Variants in NEGR1 observed in about 807,000 individuals in gnomAD.
NEGR1 encodes the protein IgLON family member 4.
NEGR1 carries 10 observed loss-of-function variants against 40.9 expected under a neutral mutation model. That is an observed-to-expected ratio of 0.24 (90% confidence interval 0.15 to 0.42). NEGR1 has a LOEUF of 0.42. Ranked by LOEUF, NEGR1 falls within the 10% of genes least tolerant of loss-of-function variation. NEGR1 has a pLI of 1.00. For synonymous variants in NEGR1, 185 were observed against 166.8 expected, an observed-to-expected ratio of 1.11 and a Z score of -0.84; for missense variants, 352 against 438.9, an observed-to-expected ratio of 0.80 and a Z score of 1.77.
At chr1:71,910,671 G>A (rs919412295) in intron 2 of NEGR1, among the ~76,000 whole-genome samples, 1 of 152,056 alleles carries the variant, frequency 6.6e-6, no homozygotes, top group Non-Finnish European at 1.5e-5. Context: ...GGCCATGTAT[G>A]AGACTCTTCT....
intron 4 of NEGR1, among the ~76,000 whole-genome samples, chr1:71,666,493 G>T (rs913405544): frequency 1.5e-4 from 17 of 112,168 alleles, no homozygotes; most frequent in Non-Finnish European, 3.2e-4. Context: ...TGTTACTGCA[G>T]ATCTTTATTT....
At chr1:72,038,634 T>A (rs969455959) in intron 1 of NEGR1, among the ~76,000 whole-genome samples, 84 of 152,036 alleles carry the variant, frequency 5.5e-4, no homozygotes, top group African/African-American at 2.0e-3. Flanking sequence ...AAGCTTATAA[T>A]CTTTTAAAAT....
intron 1 of NEGR1, among the ~76,000 whole-genome samples, chr1:72,104,181 C>T (rs998655398): frequency 1.3e-5 from 2 of 151,992 alleles, no homozygotes; most frequent in Admixed American, 6.6e-5. Context: ...CCAAAGATGT[C>T]TATGTCCTAA....
chr1:71,701,091 A>G lies in NEGR1; in HGVS notation c.536-2952T>C, dbSNP rs144989057. 3.3e-5 allele frequency among the ~76,000 whole-genome samples: 5 copies of G among 152,116 alleles called. No individual in the cohort carries two copies. The East Asian group carries it at 9.7e-4, about 29-fold the overall frequency. On this transcript the variant is annotated intron_variant, in intron 3 of 6. Transcript: ENST00000357731. ...CTATCAACACCTTGCTTTGAGTCTG[A>G]TGAGACCAGTGCTGAGCTTCTGACA...
At chr1:71,471,205 C>A (rs966219200) in intron 6 of NEGR1, among the ~76,000 whole-genome samples, 2 of 152,082 alleles carry the variant, frequency 1.3e-5, no homozygotes, top group African/African-American at 4.8e-5. Flanking sequence ...TTGTTCATTA[C>A]AGGAACACAT....
intron 2 of NEGR1, among the ~76,000 whole-genome samples, chr1:71,894,461 T>C (rs1660907167): frequency 6.6e-6 from 1 of 152,156 alleles, no homozygotes; most frequent in Admixed American, 6.5e-5. Context: ...AAAAGCACTA[T>C]AACAAACACT....
At chr1:71,429,361 T>A (rs897052306) in intron 6 of NEGR1, among the ~76,000 whole-genome samples, 3 of 152,220 alleles carry the variant, frequency 2.0e-5, no homozygotes, top group Non-Finnish European at 4.4e-5. Context: ...GTCCGAAAGG[T>A]TAAGTGAAGT....
chr1:71,658,149 C>A (rs964005634), intron 4 of NEGR1, among the ~76,000 whole-genome samples: 1 of 152,184 alleles, frequency 6.6e-6, no homozygotes, highest in Non-Finnish European at 1.5e-5. Context: ...TTTTTACAAT[C>A]TCTTACACTA....
intron 6 of NEGR1, among the ~76,000 whole-genome samples, chr1:71,487,728 T>G (rs978836082): frequency 6.9e-6 from 1 of 144,226 alleles, no homozygotes; most frequent in African/African-American, 2.4e-5. Flanking sequence ...ATACAAACCC[T>G]AGCATTCATT....
chr1:72,130,556 G>T (rs1254088171), intron 1 of NEGR1, among the ~76,000 whole-genome samples: 2 of 152,046 alleles, frequency 1.3e-5, no homozygotes, highest in East Asian at 3.9e-4. Context: ...ATCAAAACTG[G>T]CCCATCTCCA....
intron 1 of NEGR1, among the ~76,000 whole-genome samples, chr1:72,065,455 T>C (rs1647249621): frequency 6.6e-6 from 1 of 152,100 alleles, no homozygotes; most frequent in African/African-American, 2.4e-5. Flanking sequence ...GCTAACTGTC[T>C]GCCCAAATTT....
chr1:71,936,975 CAT>C (rs1341685217), intron 1 of NEGR1, among the ~76,000 whole-genome samples: 1 of 152,200 alleles, frequency 6.6e-6, no homozygotes, highest in Non-Finnish European at 1.5e-5. Context: ...CGAAAACACA[CAT>C]ACATAAAAAT....
chr1:71,623,235 T>C (rs1201726219), intron 4 of NEGR1, among the ~76,000 whole-genome samples: 1 of 151,850 alleles, frequency 6.6e-6, no homozygotes, highest in Non-Finnish European at 1.5e-5. Flanking sequence ...CGTGACAGTG[T>C]CAGAAGTCTA....
At chr1:71,914,028 C>T (rs568773844) in intron 2 of NEGR1, among the ~76,000 whole-genome samples, 2 of 152,226 alleles carry the variant, frequency 1.3e-5, no homozygotes, top group East Asian at 3.9e-4. Context: ...AAAACAAAGA[C>T]ATTCTAATTT....
intron 6 of NEGR1, among the ~76,000 whole-genome samples, chr1:71,590,291 C>T (rs1407909995): frequency 6.6e-6 from 1 of 152,024 alleles, no homozygotes; most frequent in Non-Finnish European, 1.5e-5. Flanking sequence ...TTGAGTTGTA[C>T]CTTAGATATA....
chr1:71,542,593 C>A (rs1647747605), intron 6 of NEGR1, among the ~76,000 whole-genome samples: 2 of 151,674 alleles, frequency 1.3e-5, no homozygotes, highest in Non-Finnish European at 3.0e-5. Flanking sequence ...AATCATACAG[C>A]CAGTATACTG....
chr1:71,837,716 C>T (rs557392102), intron 2 of NEGR1, among the ~76,000 whole-genome samples: 1 of 152,042 alleles, frequency 6.6e-6, no homozygotes. Flanking sequence ...AGCAATCCCA[C>T]CTCCCAAACC....
intron 4 of NEGR1, among the ~76,000 whole-genome samples, chr1:71,635,092 C>T (rs1218373377): frequency 6.6e-6 from 1 of 151,992 alleles, no homozygotes; most frequent in African/African-American, 2.4e-5. Context: ...TGGATGAAAT[C>T]TGAGTGGCCA....
chr1:71,488,221 T>G (rs1242298255), intron 6 of NEGR1: 3 of 151,792 alleles, frequency 2.0e-5, no homozygotes, highest in Admixed American at 6.6e-5. Flanking sequence ...GCAGTTTTTT[T>G]TTCCAGAGGC....
Sources: allele counts gnomAD v4.1 joint callset (sites outside exome capture counted in the v4.1 genomes callset), GRCh38; gene constraint gnomAD v4.1.1; transcripts MANE v1.5; gene names NCBI Gene and HGNC (gene_info 2026-07-23, HGNC 2026-07-21).